Variants in KCNH5 observed in about 807,000 individuals in gnomAD.
KCNH5 encodes potassium voltage-gated channel subfamily H member 5, also known as voltage-gated delayed rectifier potassium channel KCNH5.
In KCNH5, 46 loss-of-function variants were observed where a neutral mutation model predicts 96.1. The observed-to-expected ratio is 0.48, with a 90% CI of 0.38 to 0.61. The LOEUF (loss-of-function observed/expected upper bound fraction) is 0.61. KCNH5 is among the 20% of genes least tolerant of loss of function. The probability of loss-of-function intolerance (pLI) is 0.00; values close to 1 mark genes in which losing one functional copy is unlikely to be tolerated. For synonymous variants in KCNH5, 439 were observed against 449.8 expected, an observed-to-expected ratio of 0.98 and a Z score of 0.30; for missense variants, 907 against 1,225.8, an observed-to-expected ratio of 0.74 and a Z score of 3.88.
chr14:63,001,945 A>G (rs1384601705), intron 3 of KCNH5, among the ~76,000 whole-genome samples: 3 of 152,198 alleles, frequency 2.0e-5, no homozygotes, highest in African/African-American at 7.2e-5. Flanking sequence ...GAACATCTAA[A>G]ATACTGTTTC....
chr14:62,860,681 T>A (rs577684370), intron 7 of KCNH5, among the ~76,000 whole-genome samples: 3 of 152,190 alleles, frequency 2.0e-5, no homozygotes, highest in Non-Finnish European at 4.4e-5. Flanking sequence ...ACTTCTTACT[T>A]GCTACCATCA....
chr14:62,846,427 T>C (rs1887692661), intron 8 of KCNH5, among the ~76,000 whole-genome samples: 1 of 152,152 alleles, frequency 6.6e-6, no homozygotes, highest in African/African-American at 2.4e-5. Context: ...GTCAGTTACC[T>C]TGTTATATAT....
At chr14:62,911,947 A>AGAATTGC (rs1210989912) in intron 7 of KCNH5, among the ~76,000 whole-genome samples, 1 of 150,352 alleles carries the variant, frequency 6.7e-6, no homozygotes, top group Non-Finnish European at 1.5e-5. Context: ...CTGAGGCAGG[A>AGAATTGC]GAATTGCTTG....
At chr14:62,838,763 A>G (rs1887515908) in intron 8 of KCNH5, among the ~76,000 whole-genome samples, 1 of 152,082 alleles carries the variant, frequency 6.6e-6, no homozygotes, top group Non-Finnish European at 1.5e-5. Context: ...ACGTCATTTA[A>G]CCTCTTACAG....
chr14:62,885,495 C>T (rs375590076), intron 7 of KCNH5, among the ~76,000 whole-genome samples: 1 of 152,180 alleles, frequency 6.6e-6, no homozygotes, highest in Non-Finnish European at 1.5e-5. Context: ...ATGGAGAATT[C>T]TCCTACATAC....
intron 7 of KCNH5, among the ~76,000 whole-genome samples, chr14:62,858,247 T>C (rs950491315): frequency 2.0e-5 from 3 of 152,186 alleles, no homozygotes; most frequent in Non-Finnish European, 2.9e-5. Context: ...TCCTTTTGCC[T>C]TCAGCAAGCA....
At position 62,967,737 on chromosome 14, in the gene KCNH5, C is replaced by T. The variant is rs187528124; in HGVS notation, c.942+13135G>A. On this transcript the variant is annotated intron_variant, in intron 6 of 10. Transcript: ENST00000322893. ...TTCTCAAGCATGGGGATAATTATTG[C>T]ACAGAAAGACAATAAACAGTAACCT... 2.9e-3 allele frequency among the ~76,000 whole-genome samples: 447 copies of T among 152,178 alleles called. 4 individuals are homozygous for T. The highest frequency in any genetic ancestry group is 0.01 in the African/African-American group (435 of 41,514).
At chr14:62,873,073 C>A (rs1439480178) in intron 7 of KCNH5, among the ~76,000 whole-genome samples, 1 of 151,182 alleles carries the variant, frequency 6.6e-6, no homozygotes, top group African/African-American at 2.4e-5. Flanking sequence ...TGGTGTGAAC[C>A]CAGGAGGCAG....
chr14:62,811,423 C>T (rs757227351), intron 8 of KCNH5, among the ~76,000 whole-genome samples: 1 of 152,086 alleles, frequency 6.6e-6, no homozygotes, highest in African/African-American at 2.4e-5. Context: ...CATGTTCTCC[C>T]ATTACTCTTT....
At chr14:62,933,586 C>A (rs1889621699) in intron 7 of KCNH5, among the ~76,000 whole-genome samples, 1 of 151,734 alleles carries the variant, frequency 6.6e-6, no homozygotes, top group Non-Finnish European at 1.5e-5. Context: ...CAGACAATGA[C>A]TAAAACTGAA....
intron 8 of KCNH5, among the ~76,000 whole-genome samples, chr14:62,815,069 G>A (rs1595635061): frequency 6.6e-6 from 1 of 152,016 alleles, no homozygotes; most frequent in African/African-American, 2.4e-5. Context: ...ATACATTGTG[G>A]CACAGTCACA....
chr14:62,961,438 C>T (rs1890203295), intron 6 of KCNH5, among the ~76,000 whole-genome samples: 1 of 152,144 alleles, frequency 6.6e-6, no homozygotes, highest in Admixed American at 6.6e-5. Context: ...CCCTCAGAGA[C>T]ACTTCTCCTA....
intron 2 of KCNH5, among the ~76,000 whole-genome samples, chr14:63,013,980 C>A (rs1891277501): frequency 6.6e-6 from 1 of 151,992 alleles, no homozygotes; most frequent in Admixed American, 6.6e-5. Flanking sequence ...CCAAGAAAAA[C>A]TGATAAAGGT....
At chr14:62,957,155 A>G (rs1445949649) in intron 6 of KCNH5, among the ~76,000 whole-genome samples, 2 of 152,230 alleles carry the variant, frequency 1.3e-5, no homozygotes, top group Non-Finnish European at 2.9e-5. Flanking sequence ...AACAGTATCC[A>G]GGAGACACCT....
rs78867888 is a variant in KCNH5, at chr14:62,898,837, T to A, written c.1370-48985A>T. Among the ~76,000 whole-genome samples the A allele has an allele frequency of 3.2e-3, 492 of 152,258 alleles. 4 individuals are homozygous for A. The highest frequency in any genetic ancestry group is 0.011 in the African/African-American group (472 of 41,578). On this transcript the variant is annotated intron_variant, in intron 7 of 10. Coordinates refer to ENST00000322893, the MANE Select transcript of KCNH5 (RefSeq NM_139318.5). ...ATAATAGAAATTATATGCAGAATAG[T>A]TATATGTAATTACTCATAATTATTA...
At chr14:62,865,167 G>C (rs1165316924) in intron 7 of KCNH5, among the ~76,000 whole-genome samples, 1 of 152,080 alleles carries the variant, frequency 6.6e-6, no homozygotes, top group East Asian at 1.9e-4. Context: ...CAAGGTGAAG[G>C]ACAGTCTACG....
intron 6 of KCNH5, among the ~76,000 whole-genome samples, chr14:62,953,212 ACT>A (rs1890039713): frequency 6.6e-6 from 1 of 151,552 alleles, no homozygotes; most frequent in Non-Finnish European, 1.5e-5. Flanking sequence ...AGCATTATAG[ACT>A]CTCTCTGCCA....
At chr14:62,725,776 A>G (rs1041908920) in intron 10 of KCNH5, among the ~76,000 whole-genome samples, 1 of 152,244 alleles carries the variant, frequency 6.6e-6, no homozygotes, top group Non-Finnish European at 1.5e-5. Context: ...AAAATCCTGC[A>G]GGATCTTTTT....
chr14:62,945,198 G>C (rs536385676), intron 7 of KCNH5, among the ~76,000 whole-genome samples: 1 of 152,294 alleles, frequency 6.6e-6, no homozygotes, highest in Non-Finnish European at 1.5e-5. Flanking sequence ...GAAGCAGTGA[G>C]AGAACATTTT....
Sources: gnomAD v4.1 joint callset for allele counts (sites outside exome capture counted in the v4.1 genomes callset) on GRCh38, gnomAD v4.1.1 for gene constraint, MANE v1.5 for transcripts, NCBI Gene and HGNC (gene_info 2026-07-23, HGNC 2026-07-21) for gene names.